The following MAPK8 variants were observed in gnomAD, a reference collection of about 807,000 sequenced individuals.
MAPK8 encodes JUN N-terminal kinase.
MAPK8 carries 13 observed loss-of-function variants against 52.9 expected under a neutral mutation model. That is an observed-to-expected ratio of 0.25 (90% CI 0.16 to 0.39). MAPK8 has a LOEUF of 0.39. Ranked by LOEUF, MAPK8 falls within the 10% of genes least tolerant of loss-of-function variation. The pLI is 1.00. For synonymous variants in MAPK8, 191 were observed against 169.8 expected (o/e 1.12, Z -0.97); for missense variants, 300 against 519.2 (o/e 0.58, Z 4.10).
At chr10:48,369,043 A>G (rs1213374308) in intron 1 of MAPK8, among the ~76,000 whole-genome samples, 1 of 152,176 alleles carries the variant, frequency 6.6e-6, no homozygotes, top group Non-Finnish European at 1.5e-5. Context: ...AGGGTCATGT[A>G]GCATAAACAT....
At chr10:48,431,959 A>G (rs1297470140) in intron 11 of MAPK8, among the ~76,000 whole-genome samples, 2 of 151,992 alleles carry the variant, frequency 1.3e-5, no homozygotes, top group East Asian at 1.9e-4. Context: ...CACACATGTT[A>G]TGGATGAGGA....
At position 48,405,244 on chromosome 10, in the gene MAPK8, G is replaced by A. The variant is rs548467162; in HGVS notation, c.252+263G>A. Among the ~76,000 whole-genome samples, 11 of 152,072 alleles carry A rather than the reference G, an allele frequency of 7.2e-5. No homozygotes were observed. In the East Asian group the frequency reaches 9.6e-4, roughly 13 times the overall value. ...CAAAAGGAGTTTTAAAAAGATAAGC[G>A]TTTGAGAAGAATTTTATTCAGCTTG... is the stretch of plus-strand genomic sequence containing the variant. On this transcript the variant is annotated intron_variant, in intron 3 of 11. Coordinates refer to ENST00000374189, the MANE Select transcript of MAPK8 (RefSeq NM_001323329.2).
At chr10:48,413,394 C>A (rs1465161377) in intron 5 of MAPK8, among the ~76,000 whole-genome samples, 1 of 152,186 alleles carries the variant, frequency 6.6e-6, no homozygotes, top group Non-Finnish European at 1.5e-5. Context: ...TACCATTTTA[C>A]ATTCCCACCA....
At chr10:48,322,903 G>T (rs1843129153) in intron 1 of MAPK8, among the ~76,000 whole-genome samples, 1 of 152,034 alleles carries the variant, frequency 6.6e-6, no homozygotes, top group South Asian at 2.1e-4. Flanking sequence ...ATTTTTTCTG[G>T]GGACTTGGGC....
chr10:48,398,930 A>G (rs534176811), intron 1 of MAPK8, among the ~76,000 whole-genome samples: 3 of 152,280 alleles, frequency 2.0e-5, no homozygotes, highest in African/African-American at 7.2e-5. Flanking sequence ...TTTCCTGATG[A>G]TGGTTACGTA....
chr10:48,429,516 AAT>A lies in MAPK8; in HGVS notation c.1061-1676_1061-1675del, dbSNP rs575517214. Among the ~76,000 whole-genome samples the A allele has an allele frequency of 1.2e-4, 19 of 152,316 alleles. No homozygotes were observed. The East Asian group carries it at 3.7e-3, about 29-fold the overall frequency. On this transcript the variant is annotated intron_variant, in intron 10 of 11. Transcript: ENST00000374189. Reference sequence around the variant, plus strand: ...AGAAAGATTAATTGCCAAAGCCATTAATTACAGATGGCTTTGCCTAGTTAGTG... The same window carrying A: ...AGAAAGATTAATTGCCAAAGCCATTATACAGATGGCTTTGCCTAGTTAGTG...
At chr10:48,376,090 C>T (rs1193273795) in intron 1 of MAPK8, among the ~76,000 whole-genome samples, 2 of 152,134 alleles carry the variant, frequency 1.3e-5, no homozygotes, top group Admixed American at 6.6e-5. Flanking sequence ...CACCACACGT[C>T]TACAACCATA....
chr10:48,416,971 A>G (rs1243948605), intron 5 of MAPK8, among the ~76,000 whole-genome samples: 4 of 152,186 alleles, frequency 2.6e-5, no homozygotes, highest in South Asian at 2.1e-4. Flanking sequence ...GGTCATTTTA[A>G]GGCCATCCTT....
At chr10:48,385,056 G>T (rs1455045055) in intron 1 of MAPK8, among the ~76,000 whole-genome samples, 1 of 152,170 alleles carries the variant, frequency 6.6e-6, no homozygotes, top group African/African-American at 2.4e-5. Context: ...TTGGTTTACA[G>T]AAATAACATT....
At chr10:48,381,856 C>T (rs150951546) in intron 1 of MAPK8, among the ~76,000 whole-genome samples, 22 of 152,272 alleles carry the variant, frequency 1.4e-4, no homozygotes, top group African/African-American at 5.3e-4. Context: ...TTTGAAACTG[C>T]AACACAGATA....
At chr10:48,310,874 G>A (rs1234514997) in intron 1 of MAPK8, among the ~76,000 whole-genome samples, 1 of 152,048 alleles carries the variant, frequency 6.6e-6, no homozygotes, top group East Asian at 1.9e-4. Flanking sequence ...AGATACCTGT[G>A]TTTCCTGTTA....
At chr10:48,424,372 G>GCACA in intron 7 of MAPK8, 2 of 646,234 alleles carry the variant, frequency 3.1e-6, no homozygotes, top group Non-Finnish European at 5.2e-6. Context: ...GGTAGTCAGA[G>GCACA]CACATTCACT....
At chr10:48,343,727 G>A (rs142857700) in intron 1 of MAPK8, among the ~76,000 whole-genome samples, 3 of 152,312 alleles carry the variant, frequency 2.0e-5, no homozygotes, top group Admixed American at 6.5e-5. Context: ...CTTTTTCTCT[G>A]TGAGATGGAA....
chr10:48,307,270 C>T (rs1000943701), intron 1 of MAPK8: 4 of 152,378 alleles, frequency 2.6e-5, no homozygotes, highest in African/African-American at 9.6e-5. Flanking sequence ...CGGCAGGTCC[C>T]CAAGCCTGCC....
chr10:48,409,974 A>T, intron 4 of MAPK8, 37 bp downstream of exon 4: 1 of 1,607,936 alleles, frequency 6.2e-7, no homozygotes, highest in Non-Finnish European at 8.5e-7. Context: ...AAGTTAGTAC[A>T]TTTTTCTTAG....
intron 5 of MAPK8, among the ~76,000 whole-genome samples, chr10:48,414,196 T>C (rs1801555357): frequency 6.6e-6 from 1 of 152,118 alleles, no homozygotes; most frequent in Non-Finnish European, 1.5e-5. Flanking sequence ...CTTGGCTTAT[T>C]TTACCTAGCA....
In MAPK8 at chr10:48,436,518, A is replaced by G. The variant is rs1168750253; in HGVS notation, c.*1489A>G. The G allele has an allele frequency of 6.6e-6, 1 of 152,220 alleles. No homozygotes were observed. Among genetic ancestry groups the G allele is most frequent in the Admixed American group, 6.5e-5 (1 of 15,292 alleles). The allele number at this position is 152,220 out of a possible 1,614,324, so 9.4% of individuals were successfully genotyped here. On this transcript the variant is annotated 3_prime_UTR_variant, in exon 12 of 12. Coordinates refer to ENST00000374189, the MANE Select transcript of MAPK8 (RefSeq NM_001323329.2). ...GGGATTTCATGTAATGAACTAGGAA[A>G]TGCATACTCACATAAGCAACAAGGT...
intron 1 of MAPK8, among the ~76,000 whole-genome samples, chr10:48,391,358 T>A (rs1426515369): frequency 6.6e-6 from 1 of 152,190 alleles, no homozygotes; most frequent in East Asian, 1.9e-4. Context: ...GTTCCTTTGT[T>A]TTTAATCTCA....
At chr10:48,327,699 A>G (rs73293181) in intron 1 of MAPK8, among the ~76,000 whole-genome samples, 5,520 of 152,286 alleles carry the variant, frequency 0.036, 280 homozygotes, top group African/African-American at 0.11. Context: ...TTCACCAGTA[A>G]AACTGTTCAG....
Sources: gnomAD v4.1 joint callset for allele counts (sites outside exome capture counted in the v4.1 genomes callset) on GRCh38, gnomAD v4.1.1 for gene constraint, MANE v1.5 for transcripts, NCBI Gene and HGNC (gene_info 2026-07-23, HGNC 2026-07-21) for gene names.